CAB39: variants seen among roughly 807,000 people sequenced by gnomAD.
The protein encoded by CAB39 is calcium-binding protein 39.
In CAB39, 8 loss-of-function variants were observed where a neutral mutation model predicts 40.0. The observed-to-expected ratio is 0.20, with a 90% CI of 0.12 to 0.36. The LOEUF (loss-of-function observed/expected upper bound fraction) is 0.36. CAB39 is among the 10% of genes least tolerant of loss of function. The probability of loss-of-function intolerance (pLI) is 1.00; values close to 1 mark genes in which losing one functional copy is unlikely to be tolerated. For missense variants in CAB39, 270 were observed against 401.1 expected, an observed-to-expected ratio of 0.67 and a Z score of 2.79; for synonymous variants, 156 against 141.6, an observed-to-expected ratio of 1.10 and a Z score of -0.72.
At chr2:230,817,613 G>A (rs1559621225) in intron 7 of CAB39, 141 bp from the exon 8 acceptor site, 3 of 598,688 alleles carry the variant, frequency 5.0e-6, no homozygotes, top group South Asian at 2.5e-5. Flanking sequence ...TAGCTTTTAG[G>A]TTGTAATTCA....
In CAB39 at chr2:230,816,012, G is replaced by A. The variant is rs537174696; in HGVS notation, c.694-1742G>A. ...GTTTGGGCTGAGTATGGTGGCTCAC[G>A]CCTGTAATCCCAGCACTTTGGGAGG... On this transcript the variant is annotated intron_variant, in intron 7 of 8. Coordinates refer to ENST00000258418, the MANE Select transcript of CAB39 (RefSeq NM_016289.4). 1.2e-3 allele frequency among the ~76,000 whole-genome samples: 181 copies of A among 152,302 alleles called. 1 individual carries two copies. The highest frequency in any genetic ancestry group is 2.2e-3 in the Non-Finnish European group (148 of 68,022).
intron 2 of CAB39, among the ~76,000 whole-genome samples, chr2:230,790,285 A>G (rs1267823971): frequency 1.3e-5 from 2 of 152,018 alleles, no homozygotes; most frequent in African/African-American, 4.8e-5. Context: ...CCTACTCATT[A>G]GTCTTTTTCA....
At chr2:230,807,538 A>G (rs908207131) in intron 5 of CAB39, among the ~76,000 whole-genome samples, 3 of 151,806 alleles carry the variant, frequency 2.0e-5, no homozygotes, top group African/African-American at 7.3e-5. Flanking sequence ...CTTACCCCAA[A>G]GCCATTGAGA....
chr2:230,776,904 GTCT>G lies in CAB39; in HGVS notation c.115-13967_115-13965del, dbSNP rs1309107561. Reference sequence around the variant, plus strand: ...GGGTTTCACCGTATTAGCCAGGATGGTCTCGATCTCCTGACCTCATGATCCGCC... The same window carrying G: ...GGGTTTCACCGTATTAGCCAGGATGGCGATCTCCTGACCTCATGATCCGCC... On this transcript the variant is annotated intron_variant, in intron 2 of 8. Coordinates refer to ENST00000258418, the MANE Select transcript of CAB39 (RefSeq NM_016289.4). 3.3e-5 allele frequency among the ~76,000 whole-genome samples: 5 copies of G among 152,218 alleles called. No homozygotes were observed. The South Asian group carries it at 1.0e-3, about 32-fold the overall frequency.
At chr2:230,746,214 T>C (rs1299973431) in intron 1 of CAB39, among the ~76,000 whole-genome samples, 1 of 152,172 alleles carries the variant, frequency 6.6e-6, no homozygotes, top group Non-Finnish European at 1.5e-5. Flanking sequence ...CTACATTCAG[T>C]GTGTAATGTC....
intron 1 of CAB39, among the ~76,000 whole-genome samples, chr2:230,753,743 CAAAAAA>C (rs60868418): frequency 2.3e-5 from 2 of 85,522 alleles, no homozygotes; most frequent in Non-Finnish European, 2.5e-5. Context: ...GACTCCATCT[CAAAAAA>C]AAAAAAAAAA....
At chr2:230,794,974 G>T (rs953187589) in intron 4 of CAB39, among the ~76,000 whole-genome samples, 1 of 152,078 alleles carries the variant, frequency 6.6e-6, no homozygotes, top group Admixed American at 6.6e-5. Flanking sequence ...TTTACAGTTC[G>T]TTTATTTAAT....
chr2:230,757,851 A>G (rs74817300), intron 1 of CAB39, among the ~76,000 whole-genome samples: 4,749 of 152,224 alleles, frequency 0.031, 113 homozygotes, highest in Middle Eastern at 0.048. Context: ...CAAAGGAAAA[A>G]GTAATGATCC....
intron 2 of CAB39, among the ~76,000 whole-genome samples, chr2:230,768,632 A>C (rs953972562): frequency 1.3e-5 from 2 of 152,208 alleles, no homozygotes; most frequent in Admixed American, 6.5e-5. Context: ...AGAATAGCAC[A>C]TTCTATGGGT....
chr2:230,812,554 C>A (rs1696323729), intron 6 of CAB39, among the ~76,000 whole-genome samples: 1 of 152,124 alleles, frequency 6.6e-6, no homozygotes, highest in Non-Finnish European at 1.5e-5. Flanking sequence ...TATATAAGAA[C>A]TTGAGATGTA....
intron 3 of CAB39, among the ~76,000 whole-genome samples, chr2:230,792,505 TC>T (rs1415204361): frequency 6.6e-6 from 1 of 152,230 alleles, no homozygotes; most frequent in African/African-American, 2.4e-5. Flanking sequence ...AAGTGGCTGT[TC>T]AGAAATGCCA....
At chr2:230,723,031 T>C (rs1162953666) in intron 1 of CAB39, among the ~76,000 whole-genome samples, 3 of 152,110 alleles carry the variant, frequency 2.0e-5, no homozygotes, top group Non-Finnish European at 2.9e-5. Context: ...ATGAATACTT[T>C]AGCAGCTTTT....
At chr2:230,778,755 C>A (rs1426059974) in intron 2 of CAB39, among the ~76,000 whole-genome samples, 1 of 152,188 alleles carries the variant, frequency 6.6e-6, no homozygotes, top group East Asian at 1.9e-4. Context: ...CCAAAAAATG[C>A]ATCATTAGGC....
At chr2:230,748,077 A>G (rs1695006553) in intron 1 of CAB39, among the ~76,000 whole-genome samples, 1 of 150,690 alleles carries the variant, frequency 6.6e-6, no homozygotes, top group African/African-American at 2.4e-5. Flanking sequence ...ATTTGACTAT[A>G]TGAGGCTCTT....
At chr2:230,790,040 A>G (rs1695866719) in intron 2 of CAB39, among the ~76,000 whole-genome samples, 1 of 152,096 alleles carries the variant, frequency 6.6e-6, no homozygotes, top group Non-Finnish European at 1.5e-5. Flanking sequence ...CCTGAGCAAG[A>G]TGGCAAAACC....
chr2:230,788,342 T>G (rs1695831411), intron 2 of CAB39, among the ~76,000 whole-genome samples: 1 of 152,042 alleles, frequency 6.6e-6, no homozygotes, highest in Admixed American at 6.6e-5. Flanking sequence ...TCAGTTATTA[T>G]AAGAACCTGA....
At chr2:230,760,456 G>A (rs991842742) in intron 2 of CAB39, among the ~76,000 whole-genome samples, 4 of 152,122 alleles carry the variant, frequency 2.6e-5, no homozygotes, top group Admixed American at 1.3e-4. Flanking sequence ...AGCCTCAAGC[G>A]ATCTTTCCGC....
intron 6 of CAB39, among the ~76,000 whole-genome samples, chr2:230,813,626 T>C (rs1238727908): frequency 6.6e-6 from 1 of 152,190 alleles, no homozygotes; most frequent in Non-Finnish European, 1.5e-5. Flanking sequence ...TTTGAACAAA[T>C]TGAATTCTTG....
Position 230,810,277 on chromosome 2 carries a change from A to T in CAB39, c.582A>T (p.Arg194Ser). 1 of 1,450,050 alleles carries T rather than the reference A, an allele frequency of 6.9e-7. No individual in the cohort carries two copies. The highest frequency in any genetic ancestry group is 9.5e-7 in the Non-Finnish European group (1 of 1,057,962). The allele number at this position is 1,450,050 out of a possible 1,614,324, so 89.8% of individuals were successfully genotyped here. The change falls in exon 6 of 9, where the codon AGA (arginine) becomes AGT (serine). Residue 194 changes from arginine to serine, a missense_variant. By Grantham distance (110) the Arg-to-Ser change is moderately radical. Transcript: ENST00000258418. ...AFATFKDLLTRHKLLSAEFLE... is the reference protein window; with the variant it reads ...AFATFKDLLTSHKLLSAEFLE... ...TCTTTTTGTAGGATTTACTTACAAG[A>T]CATAAATTGCTCAGTGCAGAATTTT...
Sources: gnomAD v4.1 joint callset for allele counts (sites outside exome capture counted in the v4.1 genomes callset) on GRCh38, gnomAD v4.1.1 for gene constraint, MANE v1.5 for transcripts, NCBI Gene and HGNC (gene_info 2026-07-23, HGNC 2026-07-21) for gene names.